Variants in RARB observed in about 807,000 individuals in gnomAD.
The protein encoded by RARB is retinoic acid receptor beta.
Under a neutral mutation model 51.9 loss-of-function variants are expected in RARB, and 17 were observed. The ratio of observed to expected loss-of-function variants is 0.33; its 90% CI spans 0.22 to 0.49. RARB has a LOEUF of 0.49. Among genes scored for constraint, RARB ranks in the 20% least tolerant of loss-of-function variants. The pLI is 0.99. For synonymous variants in RARB, 215 were observed against 195.4 expected (o/e 1.10, Z -0.84); for missense variants, 369 against 550.8 (o/e 0.67, Z 3.30).
intron 3 of RARB, among the ~76,000 whole-genome samples, chr3:25,562,246 T>G (rs1700302380): frequency 6.6e-6 from 1 of 152,194 alleles, no homozygotes; most frequent in Non-Finnish European, 1.5e-5. Flanking sequence ...TTTTTTTTTT[T>G]TCTAGATCAG....
At chr3:25,493,588 C>T (rs983762819) in intron 2 of RARB, among the ~76,000 whole-genome samples, 56 of 152,168 alleles carry the variant, frequency 3.7e-4, no homozygotes, top group Admixed American at 6.5e-4. Flanking sequence ...AGGTTAGAGT[C>T]TTTTAGTGAG....
intron 5 of RARB, among the ~76,000 whole-genome samples, chr3:25,177,887 A>C (rs767536186): frequency 6.6e-6 from 1 of 152,192 alleles, no homozygotes; most frequent in South Asian, 2.1e-4. Context: ...TTTATTATAT[A>C]TCTAAATCTT....
chr3:24,846,546 G>A (rs1395422836), intron 1 of RARB, among the ~76,000 whole-genome samples: 3 of 152,170 alleles, frequency 2.0e-5, no homozygotes, highest in African/African-American at 4.8e-5. Context: ...AATCTGGCAG[G>A]AATCAAACTT....
chr3:25,573,336 TG>T (rs1173813247), intron 4 of RARB, among the ~76,000 whole-genome samples: 2 of 152,162 alleles, frequency 1.3e-5, no homozygotes, highest in African/African-American at 4.8e-5. Context: ...CACCCCAATA[TG>T]GGGGTGAGTC....
chr3:24,866,568 A>G lies in RARB; in HGVS notation c.-380+7816A>G, dbSNP rs1442177144. 5.9e-5 allele frequency among the ~76,000 whole-genome samples: 9 copies of G among 152,224 alleles called. No homozygotes were observed. The South Asian group carries it at 1.0e-3, about 18-fold the overall frequency. Reference sequence around the variant, plus strand: ...TGGGAAAACTGACCAAACCAGAATCAGCAAGAGAAGGGAAGATGTGAGCTC... The same window carrying G: ...TGGGAAAACTGACCAAACCAGAATCGGCAAGAGAAGGGAAGATGTGAGCTC... On this transcript the variant is annotated intron_variant, in intron 2 of 11. Coordinates refer to the RARB transcript ENST00000383772.
chr3:25,586,903 G>A (rs1701415366), intron 5 of RARB, among the ~76,000 whole-genome samples: 1 of 152,208 alleles, frequency 6.6e-6, no homozygotes, highest in African/African-American at 2.4e-5. Context: ...GAGGCCCTGG[G>A]TCTCTCCTAG....
At chr3:25,202,016 G>C (rs956058529) in intron 5 of RARB, among the ~76,000 whole-genome samples, 14 of 152,204 alleles carry the variant, frequency 9.2e-5, no homozygotes, top group African/African-American at 3.4e-4. Flanking sequence ...AATGCTACCA[G>C]CTCCTCCTTG....
At chr3:25,536,006 G>A (rs1179812615) in intron 3 of RARB, among the ~76,000 whole-genome samples, 4 of 152,142 alleles carry the variant, frequency 2.6e-5, no homozygotes, top group African/African-American at 9.7e-5. Flanking sequence ...TACAGAGAAA[G>A]CTATTAGCGA....
chr3:24,893,598 A>G (rs532826156), intron 2 of RARB, among the ~76,000 whole-genome samples: 1 of 152,222 alleles, frequency 6.6e-6, no homozygotes, highest in East Asian at 1.9e-4. Context: ...GCTCACTGCA[A>G]CCTCATACTC....
chr3:25,366,653 CA>C (rs1706128312), intron 5 of RARB, among the ~76,000 whole-genome samples: 1 of 152,268 alleles, frequency 6.6e-6, no homozygotes, highest in South Asian at 2.1e-4. Context: ...CCACTGTTTT[CA>C]AAAAGCCTAC....
At chr3:24,843,572 A>T (rs1426554422) in intron 1 of RARB, among the ~76,000 whole-genome samples, 4 of 152,110 alleles carry the variant, frequency 2.6e-5, no homozygotes, top group African/African-American at 9.7e-5. Flanking sequence ...TCCAATATAT[A>T]TCTCCTGCCA....
chr3:24,834,492 C>T (rs1484519295), intron 1 of RARB, among the ~76,000 whole-genome samples: 1 of 152,124 alleles, frequency 6.6e-6, no homozygotes, highest in Non-Finnish European at 1.5e-5. Context: ...TCATCAATGT[C>T]AACCCCAGAA....
intron 2 of RARB, among the ~76,000 whole-genome samples, chr3:24,887,777 G>T (rs1703291953): frequency 6.6e-6 from 1 of 152,164 alleles, no homozygotes; most frequent in African/African-American, 2.4e-5. Context: ...TGTCACTTGG[G>T]AGGAAGGCAC....
At chr3:25,226,607 G>T (rs1350610823) in intron 5 of RARB, among the ~76,000 whole-genome samples, 1 of 152,082 alleles carries the variant, frequency 6.6e-6, no homozygotes, top group Non-Finnish European at 1.5e-5. Flanking sequence ...CATCTGCTGA[G>T]GGACATGAAT....
chr3:24,981,518 C>A (rs1696672675), intron 2 of RARB, among the ~76,000 whole-genome samples: 1 of 152,200 alleles, frequency 6.6e-6, no homozygotes, highest in Non-Finnish European at 1.5e-5. Flanking sequence ...CACCACACTT[C>A]AGTGTCCCAG....
chr3:25,028,501 CA>C (rs1697800690), intron 2 of RARB, among the ~76,000 whole-genome samples: 1 of 152,094 alleles, frequency 6.6e-6, no homozygotes, highest in African/African-American at 2.4e-5. Flanking sequence ...TATGTAGTTT[CA>C]AATAATGGAC....
intron 5 of RARB, among the ~76,000 whole-genome samples, chr3:25,228,953 A>G (rs965103827): frequency 6.6e-6 from 1 of 152,068 alleles, no homozygotes; most frequent in African/African-American, 2.4e-5. Flanking sequence ...CGCCTCCTCT[A>G]CAATATGCTC....
intron 5 of RARB, among the ~76,000 whole-genome samples, chr3:25,391,507 C>T (rs1168966510): frequency 6.6e-6 from 1 of 152,170 alleles, no homozygotes; most frequent in Non-Finnish European, 1.5e-5. Context: ...TTTACATTCC[C>T]AATAGCAGTG....
chr3:25,433,864 AAAAT>A (rs1708309549), intron 1 of RARB, among the ~76,000 whole-genome samples: 1 of 152,168 alleles, frequency 6.6e-6, no homozygotes, highest in Non-Finnish European at 1.5e-5. Context: ...AAATGAATGA[AAAAT>A]AAAGTTGCAA....
Sources: allele counts gnomAD v4.1 joint callset (sites outside exome capture counted in the v4.1 genomes callset), GRCh38; gene constraint gnomAD v4.1.1; transcripts MANE v1.5; gene names NCBI Gene and HGNC (gene_info 2026-07-23, HGNC 2026-07-21).